The following ST3GAL3 variants were observed in gnomAD, a reference collection of about 807,000 sequenced individuals.
ST3GAL3 encodes the protein CMP-N-acetylneuraminate-beta-1,4-galactoside alpha-2,3-sialyltransferase.
Under a neutral mutation model 50.1 loss-of-function variants are expected in ST3GAL3, and 21 were observed. The ratio of observed to expected loss-of-function variants is 0.42; its 90% confidence interval spans 0.30 to 0.60. The LOEUF is 0.60. Ranked by LOEUF, ST3GAL3 falls within the 20% of genes least tolerant of loss-of-function variation. The pLI is 0.19. For missense variants in ST3GAL3, 353 were observed against 489.4 expected (o/e 0.72, Z 2.63); for synonymous variants, 183 against 190.0 (o/e 0.96, Z 0.30).
intron 4 of ST3GAL3, among the ~76,000 whole-genome samples, chr1:43,819,637 T>TA (rs1316746431): frequency 7.6e-6 from 1 of 132,086 alleles, no homozygotes; most frequent in South Asian, 2.5e-4. Flanking sequence ...AATACTCCTT[T>TA]AAAAAAATGG....
intron 5 of ST3GAL3, among the ~76,000 whole-genome samples, chr1:43,882,078 T>A (rs999376056): frequency 3.3e-5 from 5 of 152,166 alleles, no homozygotes; most frequent in Admixed American, 3.3e-4. Flanking sequence ...AACATTAGCA[T>A]GTGCTAAGAG....
intron 3 of ST3GAL3, among the ~76,000 whole-genome samples, chr1:43,806,454 G>A (rs1412525708): frequency 2.0e-5 from 3 of 152,024 alleles, no homozygotes; most frequent in Admixed American, 2.0e-4. Flanking sequence ...GGATAGGGAG[G>A]GGAACAGGGT....
chr1:43,790,305 A>T (rs940818685), intron 2 of ST3GAL3, among the ~76,000 whole-genome samples: 16 of 152,130 alleles, frequency 1.1e-4, no homozygotes, highest in African/African-American at 2.4e-4. Context: ...TATGATAACT[A>T]TTGTGTTGAA....
Position 43,792,093 on chromosome 1 carries a change from G to A in ST3GAL3, c.119-9G>A. ...GAGAAAGAAATGAACTTGTCCTCTT[G>A]TGTTGCAGATTCAGTGGTTCTTTCC... On this transcript the variant is annotated splice_polypyrimidine_tract_variant and intron_variant, in intron 2 of 11. Transcript: ENST00000347631. 6.2e-7 allele frequency: 1 copy of A among 1,614,206 alleles called. No individual in the cohort carries two copies. The highest frequency in any genetic ancestry group is 1.1e-5 in the South Asian group (1 of 91,088).
At chr1:43,827,394 T>A (rs1361872249) in intron 4 of ST3GAL3, among the ~76,000 whole-genome samples, 1 of 152,198 alleles carries the variant, frequency 6.6e-6, no homozygotes, top group Non-Finnish European at 1.5e-5. Flanking sequence ...TAAATGTGTT[T>A]GTGCATAGAT....
rs1004489956 is a variant in ST3GAL3 at position 43,899,780 on chromosome 1, T to TC, written c.744+55dup. ...CCCTCTTGCCCTGGGCTTCCGCAAC[T>TC]CCTAAGCAATCCCGCCCCTTGAATG... On this transcript the variant is annotated intron_variant, in intron 9 of 11. Transcript: ENST00000347631. This position sits in a 1 kb window ranked among gnomAD's most constrained non-coding sequence, Gnocchi z 5.4. The TC allele has an allele frequency of 1.7e-5, 25 of 1,509,530 alleles. No individual in the cohort carries two copies. Among genetic ancestry groups the TC allele is most frequent in the Non-Finnish European group, 8.3e-6 (9 of 1,086,630 alleles). The allele number at this position is 1,509,530 out of a possible 1,614,324, so 93.5% of individuals were successfully genotyped here.
chr1:43,850,420 C>G, intron 5 of ST3GAL3: 1 of 578,848 alleles, frequency 1.7e-6, no homozygotes, highest in East Asian at 4.5e-5. Flanking sequence ...TTCAGGGTGG[C>G]TCTGATGCCA....
At chr1:43,928,417 G>A (rs1317276792) in intron 11 of ST3GAL3, among the ~76,000 whole-genome samples, 2 of 151,830 alleles carry the variant, frequency 1.3e-5, no homozygotes, top group African/African-American at 4.8e-5. Flanking sequence ...TGGCCAACAT[G>A]GTGAAACCCC....
Position 43,740,914 on chromosome 1 carries a change from G to C in ST3GAL3, c.118+4534G>C, listed in dbSNP as rs187887354. Among the ~76,000 whole-genome samples, 145 of 150,298 alleles carry C rather than the reference G, an allele frequency of 9.6e-4. 2 individuals are homozygous for C. The highest frequency in any genetic ancestry group is 2.8e-4 in the Non-Finnish European group (19 of 67,054). On this transcript the variant is annotated intron_variant, in intron 2 of 11. Coordinates refer to ENST00000347631, the MANE Select transcript of ST3GAL3 (RefSeq NM_006279.5). ...AGAGAAAGGGAGCGAGGAAGGGAGG[G>C]AGGAAAGAAGGAAGGGAGGGAGGAA...
At chr1:43,826,426 C>A (rs946379952) in intron 4 of ST3GAL3, among the ~76,000 whole-genome samples, 3 of 152,104 alleles carry the variant, frequency 2.0e-5, no homozygotes, top group African/African-American at 7.2e-5. Context: ...GAAATTAAAT[C>A]ACTAATTAAT....
intron 5 of ST3GAL3, among the ~76,000 whole-genome samples, chr1:43,885,607 A>G (rs1239903815): frequency 1.3e-5 from 2 of 152,182 alleles, no homozygotes; most frequent in Admixed American, 1.3e-4. Context: ...CAGGCCCCCA[A>G]ACTGGCACAC....
At chr1:43,715,607 TAGTG>T (rs1263345924) in intron 1 of ST3GAL3, among the ~76,000 whole-genome samples, 2 of 148,872 alleles carry the variant, frequency 1.3e-5, no homozygotes. Context: ...CTGGGTAACA[TAGTG>T]AGACTACATC....
At chr1:43,822,638 C>T (rs2062256472) in intron 4 of ST3GAL3, among the ~76,000 whole-genome samples, 1 of 152,150 alleles carries the variant, frequency 6.6e-6, no homozygotes, top group African/African-American at 2.4e-5. Flanking sequence ...CCTAGGGCTG[C>T]AAGGGGAAAG....
intron 4 of ST3GAL3, among the ~76,000 whole-genome samples, chr1:43,817,589 C>CT (rs2061480998): frequency 6.9e-4 from 41 of 59,662 alleles, no homozygotes; most frequent in Admixed American, 3.9e-3. Flanking sequence ...TCTCCTCCTT[C>CT]TCCTCCTCCC....
At chr1:43,824,814 C>T in intron 4 of ST3GAL3, 1 of 1,279,354 alleles carries the variant, frequency 7.8e-7, no homozygotes. Context: ...TTACTGATGC[C>T]TGCATCCCAC....
intron 2 of ST3GAL3, among the ~76,000 whole-genome samples, chr1:43,745,998 C>G (rs1352785657): frequency 6.6e-6 from 1 of 152,228 alleles, no homozygotes; most frequent in Non-Finnish European, 1.5e-5. Flanking sequence ...AATCACATTT[C>G]TAAATACACT....
chr1:43,921,127 C>T (rs2082960689), intron 11 of ST3GAL3, among the ~76,000 whole-genome samples, 199 bp downstream of exon 11: 1 of 152,162 alleles, frequency 6.6e-6, no homozygotes, highest in South Asian at 2.1e-4. Context: ...TTCCAAGGGA[C>T]TCTCCGTGCC....
intron 3 of ST3GAL3, among the ~76,000 whole-genome samples, chr1:43,811,718 T>G (rs1434835967): frequency 6.6e-6 from 1 of 152,140 alleles, no homozygotes; most frequent in Non-Finnish European, 1.5e-5. Flanking sequence ...ACTTGTTGGG[T>G]AGGAGGTGGG....
intron 2 of ST3GAL3, among the ~76,000 whole-genome samples, chr1:43,788,052 A>C (rs1416411423): frequency 6.6e-6 from 1 of 152,208 alleles, no homozygotes; most frequent in Non-Finnish European, 1.5e-5. Flanking sequence ...CGGGATTCAG[A>C]AGTTCTGTTT....
Sources: allele counts gnomAD v4.1 joint callset (sites outside exome capture counted in the v4.1 genomes callset), GRCh38; gene constraint gnomAD v4.1.1; non-coding constraint Gnocchi (gnomAD v3.1); transcripts MANE v1.5; gene names NCBI Gene and HGNC (gene_info 2026-07-23, HGNC 2026-07-21).